Variants in GLE1 observed in about 807,000 individuals in gnomAD.
The protein encoded by GLE1 is mRNA export factor GLE1.
In GLE1, 78 loss-of-function variants were observed where a neutral mutation model predicts 97.3. The ratio of observed to expected loss-of-function variants is 0.80; its 90% CI spans 0.67 to 0.97. The LOEUF (loss-of-function observed/expected upper bound fraction) is 0.97, where lower values mean the gene tolerates loss of function less well. GLE1 is among the 50% of genes least tolerant of loss of function. The probability of loss-of-function intolerance (pLI) is 0.00; values close to 1 mark genes in which losing one functional copy is unlikely to be tolerated. For synonymous variants in GLE1, 302 were observed against 313.4 expected (o/e 0.96, Z 0.39); for missense variants, 753 against 857.5 (o/e 0.88, Z 1.52).
chr9:128,504,777 G>T lies in GLE1; in HGVS notation c.-29G>T, dbSNP rs1194364147. On this transcript the variant is annotated 5_prime_UTR_variant, in exon 1 of 16. Coordinates refer to ENST00000309971, the MANE Select transcript of GLE1 (RefSeq NM_001003722.2). The stretch of plus-strand genomic sequence containing the variant: ...GAGGGCTTGTTTGGTCAGAAGGGGG[G>T]CGTCAGAGAAGCTGCCCCTTAGCCA... The T allele has an allele frequency of 4.3e-6, 6 of 1,408,946 alleles. No individual in the cohort carries two copies. Among genetic ancestry groups the T allele is most frequent in the Non-Finnish European group, 6.0e-6 (6 of 993,562 alleles). The allele number at this position is 1,408,946 out of a possible 1,614,324, so 87.3% of individuals were successfully genotyped here. A position where few individuals can be genotyped will look rare whatever the true frequency, so the allele number is the denominator to read the frequency against.
rs369828823 is a variant in GLE1, at chr9:128,523,326, C to T, written c.628C>T (p.Arg210Cys). 9.3e-6 allele frequency: 15 copies of T among 1,612,826 alleles called. No homozygotes were observed. Among genetic ancestry groups the T allele is most frequent in the East Asian group, 4.5e-5 (2 of 44,874 alleles). The change falls in exon 5 of 16, where the codon CGT (arginine) becomes TGT (cysteine). Residue 210 changes from arginine (R) to cysteine (C), a missense_variant. By Grantham distance (180) the Arg-to-Cys change is radical. Transcript: ENST00000309971. ...CCAAGAGAAGCTAAAAGCTGAGCACCGTCACAGAGCAAAGGTCAGAGCCTG... is the reference window on the plus strand; with the variant it reads ...CCAAGAGAAGCTAAAAGCTGAGCACTGTCACAGAGCAAAGGTCAGAGCCTG... The part of the protein sequence containing the change: ...GHQEKLKAEH[R>C]HRAKILNLKL...
rs190104473 is a variant in GLE1, at chr9:128,531,721, A to G, written c.1313-1792A>G. On this transcript the variant is annotated intron_variant, in intron 9 of 15. Transcript: ENST00000309971. ...GTGGCACACACCTGTAGTCCCAGCT[A>G]CTTGGGAGGCTGAGGTGGAAGAATC... Among the ~76,000 whole-genome samples the G allele has an allele frequency of 2.0e-5, 3 of 151,130 alleles. No homozygotes were observed. In the South Asian group the frequency reaches 6.3e-4, roughly 32 times the overall value.
At chr9:128,507,585 C>CAA (rs373872187) in intron 1 of GLE1, among the ~76,000 whole-genome samples, 103 of 75,152 alleles carry the variant, frequency 1.4e-3, no homozygotes, top group African/African-American at 4.8e-3. Flanking sequence ...GCCTGTCTCT[C>CAA]AAAAAAAAAA....
intron 15 of GLE1, chr9:128,540,683 C>T (rs988180109): frequency 1.6e-5 from 6 of 370,484 alleles, no homozygotes; most frequent in African/African-American, 1.0e-4. Context: ...CACTTTTCTC[C>T]ATGAGATCAA....
At chr9:128,539,857 A>G (rs1326944240) in intron 14 of GLE1, 159 bp downstream of exon 14, 4 of 1,523,962 alleles carry the variant, frequency 2.6e-6, no homozygotes, top group East Asian at 4.9e-5. Context: ...TGATATTTGA[A>G]TAAATGCTTT....
intron 1 of GLE1, among the ~76,000 whole-genome samples, 187 bp from the exon 2 acceptor site, chr9:128,508,689 A>C (rs1322792634): frequency 6.6e-6 from 1 of 152,168 alleles, no homozygotes. Flanking sequence ...TTTTCATTAG[A>C]AGGATAGTAG....
At chr9:128,535,720 C>T (rs1217556096) in intron 11 of GLE1, among the ~76,000 whole-genome samples, 1 of 151,940 alleles carries the variant, frequency 6.6e-6, no homozygotes, top group Non-Finnish European at 1.5e-5. Context: ...ACTCGGGAGG[C>T]AGAGGCAGAA....
chr9:128,517,306 AAG>A (rs1847017930), intron 3 of GLE1, among the ~76,000 whole-genome samples: 2 of 152,108 alleles, frequency 1.3e-5, no homozygotes, highest in African/African-American at 4.8e-5. Context: ...AAAAAAGAAA[AAG>A]AAAATGAAAG....
Position 128,533,853 on chromosome 9 carries a change from G to A in GLE1, c.1548G>A (p.Val516=), listed in dbSNP as rs767058857. ...ASGIWELHPR[V]GDLILAHLHK... ...GGATCTGGGAGCTCCACCCCAGAGTGGGGGACCTCATTCTTGCTCATCTAC... is the reference window on the plus strand; with the variant it reads ...GGATCTGGGAGCTCCACCCCAGAGTAGGGGACCTCATTCTTGCTCATCTAC... The change falls in exon 11 of 16, where the codon GTG becomes GTA. Residue 516 remains valine, a synonymous_variant. Coordinates refer to ENST00000309971, the MANE Select transcript of GLE1 (RefSeq NM_001003722.2). 3.7e-6 allele frequency: 6 copies of A among 1,612,314 alleles called. No individual in the cohort carries two copies. The highest frequency in any genetic ancestry group is 5.1e-6 in the Non-Finnish European group (6 of 1,178,394).
chr9:128,539,724 A>AG (rs1408732203), intron 14 of GLE1, 26 bp downstream of exon 14: 3 of 1,613,788 alleles, frequency 1.9e-6, no homozygotes, highest in Non-Finnish European at 2.5e-6. Context: ...AGCAGACAGC[A>AG]GGGGATTAAG....
chr9:128,519,449 C>T (rs1367588403), intron 3 of GLE1, among the ~76,000 whole-genome samples: 2 of 152,132 alleles, frequency 1.3e-5, no homozygotes, highest in East Asian at 1.9e-4. Context: ...CTGCATGTGG[C>T]CGTCTTTTAT....
intron 1 of GLE1, 150 bp downstream of exon 1, chr9:128,505,054 C>T (rs189711382): frequency 3.3e-5 from 22 of 661,094 alleles, no homozygotes; most frequent in African/African-American, 3.2e-4. Context: ...TCCCTCTGTC[C>T]TGGGGTTTCT....
intron 13 of GLE1, among the ~76,000 whole-genome samples, chr9:128,538,787 T>C (rs953676827): frequency 6.6e-6 from 1 of 152,112 alleles, no homozygotes; most frequent in Non-Finnish European, 1.5e-5. Context: ...CCTCAAACTC[T>C]TGGGCTCAAG....
intron 15 of GLE1, 170 bp from the exon 16 acceptor site, chr9:128,540,932 G>A: frequency 1.6e-6 from 1 of 633,420 alleles, no homozygotes; most frequent in Non-Finnish European, 2.8e-6. Context: ...AGCAGATCAT[G>A]CAGAAGTGGA....
Position 128,509,097 on chromosome 9 carries a change from G to A in GLE1, c.321G>A (p.Lys107=), listed in dbSNP as rs548471917. 5 of 1,580,348 alleles carry A rather than the reference G, an allele frequency of 3.2e-6. No individual in the cohort carries two copies. The South Asian group carries it at 4.4e-5, about 14-fold the overall frequency. The change falls in exon 2 of 16, where the codon AAG becomes AAA. Residue 107 remains lysine (K), a splice_region_variant and synonymous_variant. Transcript: ENST00000309971. ...CCCCTGCAACACCAAATGGAACCAA[G>A]GTAAGGTTGTGATCAGCTTAAGACA... ...PASPATPNGT[K]GKDESQHTES... is the part of the protein sequence containing the mutation.
intron 3 of GLE1, among the ~76,000 whole-genome samples, chr9:128,519,721 T>C (rs1379667287): frequency 2.0e-5 from 3 of 152,214 alleles, no homozygotes; most frequent in Non-Finnish European, 4.4e-5. Flanking sequence ...TCTGTTACCT[T>C]GTGAAGTACT....
chr9:128,532,541 TAAAG>T (rs147690301), intron 9 of GLE1: 4,733 of 160,646 alleles, frequency 0.029, 100 homozygotes, highest in Non-Finnish European at 0.043. Context: ...ATTGGAAAGA[TAAAG>T]AAATATCCTA....
At chr9:128,525,787 A>G (rs574152657) in intron 7 of GLE1, among the ~76,000 whole-genome samples, 3 of 152,162 alleles carry the variant, frequency 2.0e-5, no homozygotes, top group South Asian at 2.1e-4. Context: ...TTAGCTGGGC[A>G]TGGTGGCACG....
intron 2 of GLE1, among the ~76,000 whole-genome samples, chr9:128,510,406 T>C (rs945469528): frequency 1.3e-5 from 2 of 151,996 alleles, no homozygotes; most frequent in Admixed American, 6.6e-5. Context: ...TGTTTGTATT[T>C]TTAGTGGAGA....
Sources: gnomAD v4.1 joint callset for allele counts (sites outside exome capture counted in the v4.1 genomes callset) on GRCh38, gnomAD v4.1.1 for gene constraint, MANE v1.5 for transcripts, NCBI Gene and HGNC (gene_info 2026-07-23, HGNC 2026-07-21) for gene names.